Variants in ESR1 observed in about 807,000 individuals in gnomAD.
ESR1 encodes estrogen receptor.
In ESR1, 12 loss-of-function variants were observed where a neutral mutation model predicts 52.7. The observed-to-expected ratio is 0.23, with a 90% CI of 0.15 to 0.37. The LOEUF (loss-of-function observed/expected upper bound fraction) is 0.37, where lower values mean the gene tolerates loss of function less well. ESR1 is among the 10% of genes least tolerant of loss of function. ESR1 has a pLI of 1.00. For synonymous variants in ESR1, 305 were observed against 316.8 expected (o/e 0.96, Z 0.39); for missense variants, 584 against 779.7 (o/e 0.75, Z 2.99).
chr6:152,103,535 G>A (rs1327311663), downstream of ESR1, among the ~76,000 whole-genome samples: 3 of 152,124 alleles, frequency 2.0e-5, no homozygotes, highest in African/African-American at 7.2e-5. Context: ...CAGAGTTTCG[G>A]CTTCCTTATC....
At chr6:151,804,240 C>G (rs183009211), upstream of ESR1, among the ~76,000 whole-genome samples, 2 of 152,328 alleles carry the variant, frequency 1.3e-5, no homozygotes, top group Admixed American at 6.5e-5. Flanking sequence ...AGAAAACTGC[C>G]TTTACTGAAC....
At chr6:151,739,073 T>G (rs1782884590) in intron 2 of ESR1, among the ~76,000 whole-genome samples, 1 of 152,216 alleles carries the variant, frequency 6.6e-6, no homozygotes, top group Admixed American at 6.5e-5. Context: ...CTTGAGTCCC[T>G]TCTAATATTT....
At chr6:152,082,495 C>T (rs1182970093) in intron 6 of ESR1, among the ~76,000 whole-genome samples, 2 of 152,178 alleles carry the variant, frequency 1.3e-5, no homozygotes, top group Admixed American at 1.3e-4. Context: ...GACAAACCCA[C>T]AGCCAATATC....
intron 2 of ESR1, among the ~76,000 whole-genome samples, chr6:151,736,267 A>ATAAAC (rs10624910): frequency 0.49 from 74,450 of 151,504 alleles, 19,538 homozygotes; most frequent in Non-Finnish European, 0.58. Context: ...GTTACATGTA[A>ATAAAC]TAAACAATGA....
At chr6:152,117,081 A>G (rs1479448280) in intron 6 of ESR1, among the ~76,000 whole-genome samples, 1 of 152,196 alleles carries the variant, frequency 6.6e-6, no homozygotes, top group African/African-American at 2.4e-5. Flanking sequence ...GTTTCCAGGT[A>G]ATATTGATTC....
At position 151,872,664 on chromosome 6, in the gene ESR1, G is replaced by A. The variant is rs77909923; in HGVS notation, c.644-7991G>A. ...GTGAGTTCCAATGATATCATTGTTTGAACCTGTTTTCTAATTCTATGCTGC... is the reference window on the plus strand; with the variant it reads ...GTGAGTTCCAATGATATCATTGTTTAAACCTGTTTTCTAATTCTATGCTGC... On this transcript the variant is annotated intron_variant, in intron 2 of 7. Coordinates refer to ENST00000206249, the MANE Select transcript of ESR1 (RefSeq NM_000125.4). Among the ~76,000 whole-genome samples, 910 of 152,196 alleles carry A rather than the reference G, an allele frequency of 6.0e-3. 10 individuals carry two copies. The highest frequency in any genetic ancestry group is 0.021 in the African/African-American group (875 of 41,524).
rs143052298 is a variant in ESR1, at chr6:152,063,788, A to T, written c.1369+2664A>T. 2.2e-3 allele frequency among the ~76,000 whole-genome samples: 340 copies of T among 152,252 alleles called. 2 individuals carry two copies. Among genetic ancestry groups the T allele is most frequent in the African/African-American group, 7.8e-3 (326 of 41,554 alleles). On this transcript the variant is annotated intron_variant, in intron 6 of 7. Coordinates refer to ENST00000206249, the MANE Select transcript of ESR1 (RefSeq NM_000125.4). The stretch of plus-strand genomic sequence containing the variant: ...CGGCTCAGGAAACCTGAGCTAGAAG[A>T]TGCCTTTCTGACACCTGGGAAACAA...
At chr6:151,748,501 A>T (rs1783652783) in intron 2 of ESR1, among the ~76,000 whole-genome samples, 1 of 152,176 alleles carries the variant, frequency 6.6e-6, no homozygotes, top group Non-Finnish European at 1.5e-5. Flanking sequence ...AATGAAGGGC[A>T]TTTTGGTTGG....
chr6:152,062,987 A>G (rs2047667607), intron 6 of ESR1, among the ~76,000 whole-genome samples: 1 of 152,170 alleles, frequency 6.6e-6, no homozygotes, highest in Admixed American at 6.5e-5. Flanking sequence ...TTTTGCCACC[A>G]AAAAGTTGGA....
chr6:151,689,041 A>AAAGGAAAT (rs1778797402), upstream of ESR1, among the ~76,000 whole-genome samples: 2 of 152,206 alleles, frequency 1.3e-5, no homozygotes, highest in Admixed American at 6.5e-5. Flanking sequence ...TTTCTAATGA[A>AAAGGAAAT]AAGGAAATAA....
chr6:151,673,913 C>T (rs1339374983), intron 1 of ESR1, among the ~76,000 whole-genome samples: 1 of 152,002 alleles, frequency 6.6e-6, no homozygotes, highest in Non-Finnish European at 1.5e-5. Context: ...TCACTTTTTG[C>T]CATTTTGTGT....
At chr6:151,742,137 TTCCATTTG>T (rs796899033) in intron 2 of ESR1, among the ~76,000 whole-genome samples, 1 of 152,352 alleles carries the variant, frequency 6.6e-6, no homozygotes, top group African/African-American at 2.4e-5. Context: ...CTGAATAATA[TTCCATTTG>T]TCCATTTGTC....
At chr6:151,852,028 C>T (rs1449847159) in intron 2 of ESR1, among the ~76,000 whole-genome samples, 2 of 152,082 alleles carry the variant, frequency 1.3e-5, no homozygotes, top group African/African-American at 4.8e-5. Context: ...ATATACATTG[C>T]TTGAAGGTAA....
At chr6:151,979,750 G>C (rs377130641) in intron 4 of ESR1, among the ~76,000 whole-genome samples, 2 of 151,954 alleles carry the variant, frequency 1.3e-5, no homozygotes, top group Non-Finnish European at 2.9e-5. Flanking sequence ...TTGCAATGTT[G>C]CTTTTTTTTA....
chr6:152,097,839 C>T (rs545552373), intron 7 of ESR1, among the ~76,000 whole-genome samples: 27 of 152,202 alleles, frequency 1.8e-4, no homozygotes, highest in African/African-American at 6.5e-4. Flanking sequence ...TAGGAATTCG[C>T]ACTGAGGGTG....
intron 3 of ESR1, among the ~76,000 whole-genome samples, chr6:151,902,092 T>C (rs2128409830): frequency 6.6e-6 from 1 of 152,232 alleles, no homozygotes; most frequent in East Asian, 1.9e-4. Flanking sequence ...CAGATAACCT[T>C]TACTGAGCAT....
intron 4 of ESR1, among the ~76,000 whole-genome samples, chr6:152,003,527 A>C (rs1252549652): frequency 1.3e-5 from 2 of 151,966 alleles, no homozygotes; most frequent in East Asian, 3.9e-4. Context: ...TAAAATTATT[A>C]CTGCTTTTGA....
chr6:152,111,048 G>A (rs2051126458), intron 6 of ESR1, among the ~76,000 whole-genome samples: 1 of 152,088 alleles, frequency 6.6e-6, no homozygotes, highest in South Asian at 2.1e-4. Flanking sequence ...AGACCTTGAA[G>A]CCTGCAGCGG....
chr6:151,913,523 A>G (rs1046454790), intron 3 of ESR1, among the ~76,000 whole-genome samples: 1 of 152,262 alleles, frequency 6.6e-6, no homozygotes, highest in African/African-American at 2.4e-5. Flanking sequence ...AATTATTAAA[A>G]TGACAATTTA....
Sources: gnomAD v4.1 joint callset for allele counts (sites outside exome capture counted in the v4.1 genomes callset) on GRCh38, gnomAD v4.1.1 for gene constraint, MANE v1.5 for transcripts, NCBI Gene and HGNC (gene_info 2026-07-23, HGNC 2026-07-21) for gene names.